The following IFI27L1 variants were observed in gnomAD, a reference collection of about 807,000 sequenced individuals.
The protein encoded by IFI27L1 is interferon alpha inducible protein 27 like 1, also known as interferon alpha-inducible protein 27-like protein 1.
IFI27L1 carries 3 observed loss-of-function variants against 9.2 expected under a neutral mutation model. The ratio of observed to expected loss-of-function variants is 0.32; its 90% CI spans 0.15 to 0.84. The LOEUF (loss-of-function observed/expected upper bound fraction) is 0.84. Among genes scored for constraint, IFI27L1 ranks in the 40% least tolerant of loss-of-function variants. IFI27L1 has a pLI of 0.56. For synonymous variants in IFI27L1, 53 were observed against 50.0 expected (o/e 1.06, Z -0.26); for missense variants, 133 against 134.2 (o/e 0.99, Z 0.05).
At chr14:94,082,491 C>A (rs778476893) in intron 1 of IFI27L1, among the ~76,000 whole-genome samples, 2 of 152,238 alleles carry the variant, frequency 1.3e-5, no homozygotes, top group African/African-American at 4.8e-5. Context: ...TGGAAGAAGA[C>A]GCCATCAAGG....
rs1886936638 is a variant in IFI27L1, at chr14:94,102,465, C to T, written c.224-12C>T. On this transcript the variant is annotated splice_polypyrimidine_tract_variant and intron_variant, in intron 4 of 4. Transcript: ENST00000555523. ...TCCCTGTGCCCTGTGCTCACCCTCT[C>T]TTCTCCCCCAGGGGCAGCTGGACTC... The T allele has an allele frequency of 1.3e-6, 2 of 1,555,810 alleles. No homozygotes were observed. Among genetic ancestry groups the T allele is most frequent in the Non-Finnish European group, 1.7e-6 (2 of 1,149,164 alleles).
In IFI27L1 at chr14:94,097,382, T is replaced by C. The variant is rs1307723004; in HGVS notation, c.28+417T>C. ...TGTGGTTTTCAGAGCATCTTTGTAA[T>C]AGCTCTTTTCATAGGCATGTGTGCC... On this transcript the variant is annotated intron_variant, in intron 2 of 4. Transcript: ENST00000555523. The C allele has an allele frequency of 3.2e-5, 18 of 566,438 alleles. 1 individual carries two copies. Among genetic ancestry groups the C allele is most frequent in the East Asian group, 8.8e-5 (3 of 34,150 alleles). The allele number at this position is 566,438 out of a possible 1,614,324, so 35.1% of individuals were successfully genotyped here. A position where few individuals can be genotyped will look rare whatever the true frequency, so the allele number is the denominator to read the frequency against.
chr14:94,093,361 C>T lies in IFI27L1; in HGVS notation c.-51-3526C>T, dbSNP rs377258021. 1.6e-3 allele frequency among the ~76,000 whole-genome samples: 236 copies of T among 151,486 alleles called. 3 individuals carry two copies. In the South Asian group the frequency reaches 0.021, roughly 14 times the overall value. The stretch of plus-strand genomic sequence containing the variant: ...TTTTTTTTTGTATTTTTAGTAGAGA[C>T]GGGGTTTCACTGTGTTAGCCAGGAT... On this transcript the variant is annotated intron_variant, in intron 1 of 4. Coordinates refer to ENST00000555523, the MANE Select transcript of IFI27L1 (RefSeq NM_206949.3).
At chr14:94,088,792 G>C (rs946437856) in intron 1 of IFI27L1, among the ~76,000 whole-genome samples, 1 of 152,140 alleles carries the variant, frequency 6.6e-6, no homozygotes, top group African/African-American at 2.4e-5. Context: ...GCGTAATTCT[G>C]TCTTGGGGAG....
In IFI27L1 at chr14:94,101,986, T is replaced by C. The variant is rs1284219757; in HGVS notation, c.223+11T>C. 1 of 1,614,080 alleles carries C rather than the reference T, an allele frequency of 6.2e-7. No homozygotes were observed. Among genetic ancestry groups the C allele is most frequent in the East Asian group, 2.2e-5 (1 of 44,894 alleles). Reference sequence around the variant, plus strand: ...TTCTGCAGTCAGTGGGTGAGTGTTCTGGACAGGATGACCAGAGCCAGGAGA... The same window carrying C: ...TTCTGCAGTCAGTGGGTGAGTGTTCCGGACAGGATGACCAGAGCCAGGAGA... On this transcript the variant is annotated intron_variant, in intron 4 of 4. Coordinates refer to ENST00000555523, the MANE Select transcript of IFI27L1 (RefSeq NM_206949.3).
intron 1 of IFI27L1, among the ~76,000 whole-genome samples, chr14:94,085,966 A>G (rs1024595472): frequency 1.3e-5 from 2 of 152,224 alleles, no homozygotes; most frequent in South Asian, 2.1e-4. Flanking sequence ...AAACATACGT[A>G]TGTATAAGCA....
intron 2 of IFI27L1, chr14:94,097,631 C>G (rs766049928): frequency 1.4e-6 from 1 of 702,116 alleles, no homozygotes; most frequent in African/African-American, 1.7e-5. Context: ...TGGTCCGGGA[C>G]TGGAGCTGCA....
intron 1 of IFI27L1, among the ~76,000 whole-genome samples, chr14:94,095,449 TAGTC>T (rs911879011): frequency 6.6e-6 from 1 of 152,190 alleles, no homozygotes; most frequent in African/African-American, 2.4e-5. Flanking sequence ...TGACTCGTGT[TAGTC>T]AGTTTTACAT....
At chr14:94,084,240 A>G (rs1886205619) in intron 1 of IFI27L1, among the ~76,000 whole-genome samples, 1 of 152,048 alleles carries the variant, frequency 6.6e-6, no homozygotes, top group Non-Finnish European at 1.5e-5. Context: ...AGTGGCTCAC[A>G]CCTGTAATTC....
chr14:94,083,418 G>A (rs1188903952), intron 1 of IFI27L1, among the ~76,000 whole-genome samples: 1 of 152,204 alleles, frequency 6.6e-6, no homozygotes, highest in Non-Finnish European at 1.5e-5. Flanking sequence ...GGTTTGAGAG[G>A]ATTGACTACA....
rs1886300310 is a variant in IFI27L1 at position 94,086,921 on chromosome 14, C to G, written c.-52+5472C>G. 2.0e-5 allele frequency among the ~76,000 whole-genome samples: 3 copies of G among 152,060 alleles called. No homozygotes were observed. The South Asian group carries it at 6.2e-4, about 32-fold the overall frequency. On this transcript the variant is annotated intron_variant, in intron 1 of 4. Transcript: ENST00000555523. ...CAATTTTTGTTACTTCCCACTTTTG[C>G]TGTGTCAACCTAAATAACAAACAGA... is the stretch of plus-strand genomic sequence containing the variant.
intron 2 of IFI27L1, chr14:94,100,232 G>C (rs1381150006): frequency 1.0e-6 from 1 of 978,046 alleles, no homozygotes; most frequent in Non-Finnish European, 1.2e-6. Context: ...TCAAGAAATG[G>C]CAGGGAGTGA....
chr14:94,096,704 A>C, intron 1 of IFI27L1, 183 bp from the exon 2 acceptor site: 1 of 437,410 alleles, frequency 2.3e-6, no homozygotes. Flanking sequence ...AGAAAAAAAA[A>C]AAAAAAAAGG....
chr14:94,084,648 G>A (rs1231954799), intron 1 of IFI27L1, among the ~76,000 whole-genome samples: 1 of 152,166 alleles, frequency 6.6e-6, no homozygotes, highest in Admixed American at 6.5e-5. Context: ...TTACAGAAGC[G>A]AGAAACAAAG....
At chr14:94,092,902 T>C (rs1886530172) in intron 1 of IFI27L1, among the ~76,000 whole-genome samples, 1 of 152,120 alleles carries the variant, frequency 6.6e-6, no homozygotes, top group African/African-American at 2.4e-5. Flanking sequence ...GCTTTTCATT[T>C]GCTCTTTGCC....
intron 1 of IFI27L1, among the ~76,000 whole-genome samples, chr14:94,090,484 T>C (rs1886436439): frequency 6.6e-6 from 1 of 152,228 alleles, no homozygotes; most frequent in Non-Finnish European, 1.5e-5. Flanking sequence ...TTGACTTTGG[T>C]GGAACTTTGT....
intron 1 of IFI27L1, among the ~76,000 whole-genome samples, chr14:94,085,229 AT>A (rs1456942731): frequency 6.6e-6 from 1 of 152,230 alleles, no homozygotes; most frequent in Non-Finnish European, 1.5e-5. Context: ...AAAATGGCTC[AT>A]CTAGCCAGGT....
chr14:94,100,223 C>T (rs1362129268), intron 2 of IFI27L1: 1 of 970,230 alleles, frequency 1.0e-6, no homozygotes, highest in Non-Finnish European at 1.2e-6. Flanking sequence ...CTAAAAGCTT[C>T]AAGAAATGGC....
rs566001096 is a variant in IFI27L1, at chr14:94,101,875, C to T, written c.123C>T (p.Ile41=). 6.9e-5 allele frequency: 112 copies of T among 1,614,244 alleles called. No homozygotes were observed. In the South Asian group the frequency reaches 1.1e-3, roughly 15 times the overall value. Reference sequence around the variant, plus strand: ...CCATGGGCTTCACCTCAGTAGGAATCGCCGCATCCTCCATAGCAGCCAAGA... The same window carrying T: ...CCATGGGCTTCACCTCAGTAGGAATTGCCGCATCCTCCATAGCAGCCAAGA... ...LSAMGFTSVG[I]AASSIAAKMM... Residue 41 remains isoleucine, a synonymous_variant, in exon 4 of 5, where the codon ATC becomes ATT. Transcript: ENST00000555523.
Sources: allele counts gnomAD v4.1 joint callset (sites outside exome capture counted in the v4.1 genomes callset), GRCh38; gene constraint gnomAD v4.1.1; transcripts MANE v1.5; gene names NCBI Gene and HGNC (gene_info 2026-07-23, HGNC 2026-07-21).